CCDC38: variants seen among roughly 807,000 people sequenced by gnomAD.
The protein encoded by CCDC38 is coiled-coil domain containing 38, also known as coiled-coil domain-containing protein 38.
Under a neutral mutation model 72.8 loss-of-function variants are expected in CCDC38, and 69 were observed. The observed-to-expected ratio is 0.95, with a 90% CI of 0.78 to 1.16. The LOEUF is 1.16. CCDC38 is among the 50% of genes most tolerant of loss of function. The pLI is 0.00. For missense variants in CCDC38, 626 were observed against 638.9 expected, an observed-to-expected ratio of 0.98 and a Z score of 0.22; for synonymous variants, 201 against 213.2, an observed-to-expected ratio of 0.94 and a Z score of 0.50.
chr12:95,938,827 C>G (rs1463072667), intron 1 of CCDC38, among the ~76,000 whole-genome samples: 3 of 152,168 alleles, frequency 2.0e-5, no homozygotes, highest in African/African-American at 7.2e-5. Flanking sequence ...TAAACAAAGG[C>G]TCTGTACCAA....
intron 2 of CCDC38, among the ~76,000 whole-genome samples, chr12:95,920,595 G>A (rs1407535775): frequency 2.6e-5 from 4 of 152,124 alleles, no homozygotes; most frequent in Non-Finnish European, 4.4e-5. Flanking sequence ...AAAGAAGCCA[G>A]TAACAAAGGA....
Position 95,897,525 on chromosome 12 carries a change from G to A in CCDC38, c.614+860C>T, listed in dbSNP as rs555866747. On this transcript the variant is annotated intron_variant, in intron 7 of 15. Transcript: ENST00000344280. ...CTCAAGTGGCTGAGGCAGGAGAATC[G>A]CTTGAACCTAGGAGGTGGAGGTTTC... Among the ~76,000 whole-genome samples the A allele has an allele frequency of 4.5e-4, 67 of 148,560 alleles. 1 individual carries two copies. The East Asian group carries it at 7.1e-3, about 16-fold the overall frequency.
chr12:95,898,230 T>C (rs895436098), intron 7 of CCDC38, among the ~76,000 whole-genome samples, 155 bp downstream of exon 7: 5 of 152,180 alleles, frequency 3.3e-5, no homozygotes, highest in Non-Finnish European at 7.3e-5. Flanking sequence ...CAGGAACAAA[T>C]CTTGATGGAC....
At chr12:95,892,080 G>GGT (rs2079833080) in intron 8 of CCDC38, among the ~76,000 whole-genome samples, 1 of 106,854 alleles carries the variant, frequency 9.4e-6, no homozygotes, top group Non-Finnish European at 1.8e-5. Flanking sequence ...GGATCACTCT[G>GGT]CTTTTTTTTT....
chr12:95,888,948 T>A (rs2079791034), intron 9 of CCDC38: 1 of 116,234 alleles, frequency 8.6e-6, no homozygotes, highest in Non-Finnish European at 1.6e-5. Flanking sequence ...ACACGGTGAG[T>A]AAAGGAAAGA....
chr12:95,933,508 G>A (rs1425864804), intron 2 of CCDC38: 1 of 152,174 alleles, frequency 6.6e-6, no homozygotes, highest in Non-Finnish European at 1.5e-5. Context: ...GATTGGCAAA[G>A]CATTAAAAAA....
intron 4 of CCDC38, among the ~76,000 whole-genome samples, chr12:95,906,977 G>A (rs1427397696): frequency 2.6e-5 from 4 of 151,150 alleles, no homozygotes; most frequent in Non-Finnish European, 3.0e-5. Flanking sequence ...GCGGCCTTCC[G>A]CAGCGTTTGT....
At chr12:95,867,856 C>T (rs2079539320) in intron 15 of CCDC38, among the ~76,000 whole-genome samples, 1 of 152,088 alleles carries the variant, frequency 6.6e-6, no homozygotes, top group Non-Finnish European at 1.5e-5. Context: ...GGGGAAACTA[C>T]CATAATTCTA....
chr12:95,867,396 A>C (rs955106999), intron 15 of CCDC38, among the ~76,000 whole-genome samples: 4 of 152,196 alleles, frequency 2.6e-5, no homozygotes, highest in Non-Finnish European at 5.9e-5. Context: ...ACCAATAACT[A>C]TGCAGAAGGA....
chr12:95,924,602 G>A (rs1360042824), intron 2 of CCDC38, among the ~76,000 whole-genome samples: 1 of 151,020 alleles, frequency 6.6e-6, no homozygotes, highest in Non-Finnish European at 1.5e-5. Context: ...TTTTAGACAT[G>A]AAGTCCTTGC....
chr12:95,907,106 C>T (rs4519161), intron 4 of CCDC38, among the ~76,000 whole-genome samples: 34,163 of 149,138 alleles, frequency 0.23, 4,006 homozygotes, highest in South Asian at 0.34. Flanking sequence ...CCTGAGTGGA[C>T]ACAGCACATG....
chr12:95,901,315 T>C (rs2079947620), intron 5 of CCDC38, among the ~76,000 whole-genome samples: 1 of 152,194 alleles, frequency 6.6e-6, no homozygotes, highest in Non-Finnish European at 1.5e-5. Flanking sequence ...GATACAGACT[T>C]GCAGGGGTAG....
rs1368195503 is a variant in CCDC38 at position 95,879,754 on chromosome 12, TTGAAG to T, written c.1027_1031del (p.Leu343SerfsTer21). 12 of 1,612,172 alleles carry T rather than the reference TTGAAG, an allele frequency of 7.4e-6. No individual in the cohort carries two copies. The African/African-American group carries it at 8.0e-5, about 11-fold the overall frequency. On this transcript the variant is annotated frameshift_variant, in exon 12 of 16. Transcript: ENST00000344280. LOFTEE classifies it high-confidence loss of function. The surrounding 1 kb of genome is among the most constrained non-coding windows in gnomAD (Gnocchi z 5.5). ...TCTGCTCTTCCAGCTCTCTGAGGAC[TTGAAG>T]TAACTCCTCTGGTTCCTTGAAATAA...
intron 5 of CCDC38, among the ~76,000 whole-genome samples, chr12:95,899,295 TTTTTG>T (rs1168994013): frequency 6.6e-6 from 1 of 152,242 alleles, no homozygotes; most frequent in South Asian, 2.1e-4. Context: ...CATGTGGTGA[TTTTTG>T]TTTTGTTTTG....
chr12:95,888,626 T>C, intron 9 of CCDC38, 120 bp from the exon 10 acceptor site: 1 of 762,910 alleles, frequency 1.3e-6, no homozygotes, highest in Non-Finnish European at 2.3e-6. Flanking sequence ...TGCACAGACA[T>C]GCCCATTACT....
At position 95,890,944 on chromosome 12, in the gene CCDC38, A is replaced by G. The variant is rs368325499; in HGVS notation, c.773-14T>C. The G allele has an allele frequency of 3.1e-4, 449 of 1,435,444 alleles. No individual in the cohort carries two copies. Among genetic ancestry groups the G allele is most frequent in the Non-Finnish European group, 4.0e-4 (407 of 1,026,318 alleles). The allele number at this position is 1,435,444 out of a possible 1,614,324, so 88.9% of individuals were successfully genotyped here. On this transcript the variant is annotated splice_polypyrimidine_tract_variant and intron_variant, in intron 8 of 15. Coordinates refer to ENST00000344280, the MANE Select transcript of CCDC38 (RefSeq NM_182496.3). ...GTAATGATAATTCTAGAAATGGCAA[A>G]TGAAGAGGAGAGAGACAGAGAAAGA...
In CCDC38 at chr12:95,908,654, GGGA is replaced by G. The variant is rs144611461; in HGVS notation, c.305-2206_305-2204del. 6.3e-3 allele frequency among the ~76,000 whole-genome samples: 48 copies of G among 7,608 alleles called. 19 individuals are homozygous for G. In the African/African-American group the frequency reaches 0.079, roughly 13 times the overall value. The allele number at this position is 7,608 out of a possible 152,430, so 5.0% of individuals were successfully genotyped here. On this transcript the variant is annotated intron_variant, in intron 4 of 15. Transcript: ENST00000344280. ...GAGAGGGAGGAGAGGGAGAGGGAGA[GGGA>G]GGAGAGGGAGAGGGAGAGGGAGAGG...
At chr12:95,922,101 T>C (rs1195133857) in intron 2 of CCDC38, among the ~76,000 whole-genome samples, 1 of 152,176 alleles carries the variant, frequency 6.6e-6, no homozygotes, top group Non-Finnish European at 1.5e-5. Context: ...AGATTCAGTG[T>C]AGAAAGTGGG....
chr12:95,897,843 G>A (rs546560566), intron 7 of CCDC38, among the ~76,000 whole-genome samples: 26 of 152,098 alleles, frequency 1.7e-4, no homozygotes, highest in South Asian at 1.0e-3. Flanking sequence ...CGATCCTCCC[G>A]CCTCAGCTTC....
Sources: allele counts gnomAD v4.1 joint callset (sites outside exome capture counted in the v4.1 genomes callset), GRCh38; gene constraint gnomAD v4.1.1; non-coding constraint Gnocchi (gnomAD v3.1); transcripts MANE v1.5; gene names NCBI Gene and HGNC (gene_info 2026-07-23, HGNC 2026-07-21).